Variants in DNAJC5B observed in about 807,000 individuals in gnomAD.
DNAJC5B encodes dnaJ homolog subfamily C member 5B.
Under a neutral mutation model 24.7 loss-of-function variants are expected in DNAJC5B, and 23 were observed. The observed-to-expected ratio is 0.93, with a 90% confidence interval of 0.67 to 1.32. The LOEUF is 1.32. Ranked by LOEUF, DNAJC5B falls within the 40% of genes most tolerant of loss-of-function variation. The pLI is 0.00. For missense variants in DNAJC5B, 238 were observed against 240.8 expected (o/e 0.99, Z 0.08); for synonymous variants, 101 against 90.1 (o/e 1.12, Z -0.68).
At chr8:66,040,261 G>C (rs559432214) in intron 1 of DNAJC5B, among the ~76,000 whole-genome samples, 1 of 152,054 alleles carries the variant, frequency 6.6e-6, no homozygotes, top group Non-Finnish European at 1.5e-5. Context: ...GTGGTGACAC[G>C]TGCCTGTAGT....
chr8:66,055,803 G>A (rs368935533), intron 3 of DNAJC5B, among the ~76,000 whole-genome samples: 2 of 152,118 alleles, frequency 1.3e-5, no homozygotes, highest in Non-Finnish European at 2.9e-5. Context: ...TTAGCTGGGC[G>A]TGGTGACGCA....
At chr8:66,029,139 T>G (rs1361042727) in intron 1 of DNAJC5B, among the ~76,000 whole-genome samples, 1 of 152,244 alleles carries the variant, frequency 6.6e-6, no homozygotes, top group Non-Finnish European at 1.5e-5. Context: ...GACCACTGCT[T>G]TCCTCTCTCT....
chr8:66,020,384 A>C (rs1275583495), upstream of DNAJC5B, among the ~76,000 whole-genome samples: 3 of 152,204 alleles, frequency 2.0e-5, no homozygotes, highest in African/African-American at 7.2e-5. Flanking sequence ...CTCTTGAGAG[A>C]TTCTTAAAGC....
chr8:66,086,580 C>G (rs1488467639), intron 5 of DNAJC5B, among the ~76,000 whole-genome samples: 1 of 152,222 alleles, frequency 6.6e-6, no homozygotes, highest in East Asian at 1.9e-4. Flanking sequence ...GGAGCCAACC[C>G]TCACTGGCAA....
chr8:66,028,429 C>A (rs1330989950), intron 1 of DNAJC5B, among the ~76,000 whole-genome samples: 1 of 152,174 alleles, frequency 6.6e-6, no homozygotes, highest in East Asian at 1.9e-4. Flanking sequence ...AACCGCCCTG[C>A]ATGCTGAAAC....
At chr8:66,039,922 G>A (rs190644452) in intron 1 of DNAJC5B, among the ~76,000 whole-genome samples, 4 of 152,284 alleles carry the variant, frequency 2.6e-5, no homozygotes, top group African/African-American at 7.2e-5. Context: ...GGCAGGGAGA[G>A]AGTAACTTCT....
chr8:66,092,979 A>T (rs1268150902), intron 5 of DNAJC5B, among the ~76,000 whole-genome samples: 1 of 151,188 alleles, frequency 6.6e-6, no homozygotes, highest in Non-Finnish European at 1.5e-5. Context: ...TCCCCTTCCC[A>T]CTCTAGCAGC....
chr8:66,091,786 A>G (rs1807854134), intron 5 of DNAJC5B, among the ~76,000 whole-genome samples: 1 of 152,108 alleles, frequency 6.6e-6, no homozygotes, highest in South Asian at 2.1e-4. Context: ...CCATGGTGAA[A>G]AATGCAAAAA....
intron 1 of DNAJC5B, among the ~76,000 whole-genome samples, chr8:66,027,189 T>G (rs1037180347): frequency 1.2e-4 from 19 of 152,184 alleles, no homozygotes; most frequent in South Asian, 2.1e-4. Flanking sequence ...TTAAATGTGA[T>G]GTGGATGGTA....
chr8:66,053,167 A>AC (rs11378057), intron 3 of DNAJC5B, among the ~76,000 whole-genome samples: 2,798 of 152,236 alleles, frequency 0.018, 72 homozygotes, highest in African/African-American at 0.064. Flanking sequence ...TGAACCCCTG[A>AC]TTCAAGTAAT....
chr8:66,042,594 T>C (rs1586074076), intron 1 of DNAJC5B, among the ~76,000 whole-genome samples: 1 of 122,780 alleles, frequency 8.1e-6, no homozygotes, highest in Non-Finnish European at 1.5e-5. Context: ...CTTCTTCTTC[T>C]TCCTCTTCTT....
intron 3 of DNAJC5B, among the ~76,000 whole-genome samples, chr8:66,053,549 T>C (rs1806897460): frequency 6.6e-6 from 1 of 152,210 alleles, no homozygotes; most frequent in Admixed American, 6.5e-5. Flanking sequence ...TCATTAATAT[T>C]CTGTTTCCTT....
In DNAJC5B at chr8:66,100,996, G is replaced by A. The variant is rs1808061591; in HGVS notation, c.*965G>A. ...GTATTTATTATGTGGTAGAAACCAT[G>A]TGCTATTTCTAAAATACTATGGCAG... is the stretch of plus-strand genomic sequence containing the variant. On this transcript the variant is annotated 3_prime_UTR_variant, in exon 6 of 6. Transcript: ENST00000276570. Among the ~76,000 whole-genome samples the A allele has an allele frequency of 6.6e-6, 1 of 152,156 alleles. No individual in the cohort carries two copies. The highest frequency in any genetic ancestry group is 2.4e-5 in the African/African-American group (1 of 41,412).
chr8:66,095,666 C>T (rs1807936263), intron 5 of DNAJC5B, among the ~76,000 whole-genome samples: 1 of 133,184 alleles, frequency 7.5e-6, no homozygotes, highest in Non-Finnish European at 1.6e-5. Flanking sequence ...TTGACACACA[C>T]ACACACACAC....
chr8:66,094,645 T>G (rs755409136), intron 5 of DNAJC5B, among the ~76,000 whole-genome samples: 1 of 152,034 alleles, frequency 6.6e-6, no homozygotes. Context: ...GCACCAAGTA[T>G]GTGAACCCAG....
intron 3 of DNAJC5B, among the ~76,000 whole-genome samples, chr8:66,070,772 G>A (rs1807329101): frequency 6.6e-6 from 1 of 152,164 alleles, no homozygotes; most frequent in Non-Finnish European, 1.5e-5. Context: ...GAACAAAGCT[G>A]GAGGCATCAT....
the DNAJC5B span, among the ~76,000 whole-genome samples, chr8:66,016,183 G>A: frequency 6.6e-6 from 1 of 152,190 alleles, no homozygotes. Context: ...AAAGGGGCTA[G>A]TTTCTTCCAG....
At chr8:66,035,056 G>T (rs778271236) in intron 1 of DNAJC5B, among the ~76,000 whole-genome samples, 1 of 152,190 alleles carries the variant, frequency 6.6e-6, no homozygotes, top group Admixed American at 6.5e-5. Context: ...GGCATGGTTA[G>T]TATCAATGAA....
intron 5 of DNAJC5B, among the ~76,000 whole-genome samples, chr8:66,099,063 C>CAA (rs1554592272): frequency 5.3e-5 from 8 of 151,342 alleles, no homozygotes; most frequent in Middle Eastern, 3.4e-3. Context: ...CACACACACA[C>CAA]AACTTCTATT....
Sources: allele counts gnomAD v4.1 joint callset (sites outside exome capture counted in the v4.1 genomes callset), GRCh38; gene constraint gnomAD v4.1.1; transcripts MANE v1.5; gene names NCBI Gene and HGNC (gene_info 2026-07-23, HGNC 2026-07-21).